PCDH15: variants seen among roughly 807,000 people sequenced by gnomAD.
PCDH15 encodes the protein protocadherin related 15.
PCDH15 carries 129 observed loss-of-function variants against 178.5 expected under a neutral mutation model. The observed-to-expected ratio is 0.72, with a 90% CI of 0.63 to 0.84. PCDH15 has a LOEUF of 0.84. Among genes scored for constraint, PCDH15 ranks in the 40% least tolerant of loss-of-function variants. The probability of loss-of-function intolerance (pLI) is 0.00; values close to 1 mark genes in which losing one functional copy is unlikely to be tolerated. For missense variants in PCDH15, 2,230 were observed against 2,099.9 expected (o/e 1.06, Z -1.21); for synonymous variants, 800 against 732.0 (o/e 1.09, Z -1.50).
At chr10:54,696,708 A>G (rs1320480486) in intron 1 of PCDH15, among the ~76,000 whole-genome samples, 1 of 151,726 alleles carries the variant, frequency 6.6e-6, no homozygotes, top group Non-Finnish European at 1.5e-5. Flanking sequence ...CTATTTTTGT[A>G]TTTTAATTTC....
chr10:55,083,280 C>G (rs996485733), intron 2 of PCDH15, among the ~76,000 whole-genome samples: 1 of 151,762 alleles, frequency 6.6e-6, no homozygotes, highest in Non-Finnish European at 1.5e-5. Context: ...TACCTCATAT[C>G]AACAGAATAA....
intron 2 of PCDH15, among the ~76,000 whole-genome samples, chr10:54,609,260 A>G (rs1322687010): frequency 1.3e-5 from 2 of 152,076 alleles, no homozygotes; most frequent in Non-Finnish European, 2.9e-5. Flanking sequence ...TACATTTCAA[A>G]TGTTATGTAT....
chr10:54,273,347 T>C (rs573156746), intron 8 of PCDH15, among the ~76,000 whole-genome samples: 1 of 145,168 alleles, frequency 6.9e-6, no homozygotes, highest in African/African-American at 2.5e-5. Flanking sequence ...TAAAAATATA[T>C]CAAAGAGAAA....
chr10:53,966,933 T>C (rs894348030), intron 21 of PCDH15, among the ~76,000 whole-genome samples: 8 of 152,042 alleles, frequency 5.3e-5, no homozygotes, highest in Non-Finnish European at 1.2e-4. Context: ...AGACAGGATC[T>C]TGTGTTGTCA....
chr10:54,172,315 C>T (rs1408894118), intron 13 of PCDH15, among the ~76,000 whole-genome samples: 1 of 152,064 alleles, frequency 6.6e-6, no homozygotes, highest in African/African-American at 2.4e-5. Flanking sequence ...CCCCCGACTC[C>T]TGCCCGCCAG....
intron 1 of PCDH15, among the ~76,000 whole-genome samples, chr10:55,232,778 A>G (rs1281391332): frequency 6.6e-6 from 1 of 151,968 alleles, no homozygotes; most frequent in East Asian, 1.9e-4. Flanking sequence ...GAACTGAACC[A>G]CTCTGCCCAA....
intron 26 of PCDH15, among the ~76,000 whole-genome samples, chr10:53,888,419 A>G (rs1401629792): frequency 7.0e-6 from 1 of 142,020 alleles, no homozygotes; most frequent in Non-Finnish European, 1.5e-5. Flanking sequence ...AATTTGTCTT[A>G]CAAATTACAT....
intron 2 of PCDH15, among the ~76,000 whole-genome samples, chr10:55,342,407 C>A (rs904085668): frequency 6.6e-6 from 1 of 151,770 alleles, no homozygotes; most frequent in Non-Finnish European, 1.5e-5. Flanking sequence ...TATATTAGGT[C>A]ATAGAATTGT....
intron 3 of PCDH15, among the ~76,000 whole-genome samples, chr10:54,440,649 T>C (rs1028650262): frequency 6.6e-6 from 1 of 151,930 alleles, no homozygotes; most frequent in Non-Finnish European, 1.5e-5. Context: ...ATATAGGTTG[T>C]CCATTAAAAA....
At chr10:54,362,416 T>C (rs529438332) in intron 5 of PCDH15, among the ~76,000 whole-genome samples, 42 of 152,210 alleles carry the variant, frequency 2.8e-4, no homozygotes, top group African/African-American at 8.7e-4. Flanking sequence ...ATTTTCTATA[T>C]ACTTGTTATG....
intron 6 of PCDH15, among the ~76,000 whole-genome samples, chr10:54,340,719 G>T (rs1264620859): frequency 6.6e-6 from 1 of 152,108 alleles, no homozygotes; most frequent in Non-Finnish European, 1.5e-5. Context: ...CCCTTCACTT[G>T]GGGGTTTTCT....
In PCDH15 at chr10:53,822,448, G is replaced by T. The variant is rs397517464; in HGVS notation, c.4368-2218C>A. 13 of 1,597,076 alleles carry T rather than the reference G, an allele frequency of 8.1e-6. No individual in the cohort carries two copies. Among genetic ancestry groups the T allele is most frequent in the Middle Eastern group, 1.7e-4 (1 of 6,012 alleles). On this transcript the variant is annotated intron_variant, in intron 32 of 37. Coordinates refer to ENST00000644397, the MANE Select transcript of PCDH15 (RefSeq NM_001384140.1). ...GGAGGAGCAAGAGGAGCAGGAGCAGGAGGAGGAGAAGGAGGAGAAATAGGA... is the reference window on the plus strand; with the variant it reads ...GGAGGAGCAAGAGGAGCAGGAGCAGTAGGAGGAGAAGGAGGAGAAATAGGA...
At chr10:55,487,585 A>G (rs1450938745) in intron 2 of PCDH15, among the ~76,000 whole-genome samples, 2 of 151,602 alleles carry the variant, frequency 1.3e-5, no homozygotes, top group Non-Finnish European at 3.0e-5. Context: ...TCACTGCTGA[A>G]TATACTCTGA....
intron 2 of PCDH15, among the ~76,000 whole-genome samples, chr10:55,593,819 T>C (rs903245000): frequency 6.6e-6 from 1 of 151,800 alleles, no homozygotes; most frequent in Non-Finnish European, 1.5e-5. Context: ...AGGGATCTAA[T>C]TACCATTAGA....
chr10:55,227,927 G>GC (rs925274173), intron 1 of PCDH15, among the ~76,000 whole-genome samples: 10 of 152,004 alleles, frequency 6.6e-5, no homozygotes, highest in South Asian at 2.1e-4. Flanking sequence ...AGATTTGACA[G>GC]CCCCCCCATC....
intron 14 of PCDH15, 46 bp from the exon 15 acceptor site, chr10:54,133,053 C>T: frequency 6.2e-7 from 1 of 1,612,700 alleles, no homozygotes; most frequent in Non-Finnish European, 8.5e-7. Flanking sequence ...ATCTGCATCA[C>T]ATTTAATGTT....
chr10:54,798,200 C>A (rs1382263235), intron 1 of PCDH15, among the ~76,000 whole-genome samples: 1 of 150,530 alleles, frequency 6.6e-6, no homozygotes, highest in African/African-American at 2.4e-5. Flanking sequence ...TTTTTTTCCT[C>A]ACTCAAAATT....
intron 13 of PCDH15, among the ~76,000 whole-genome samples, chr10:54,160,627 G>A (rs1564564953): frequency 6.6e-6 from 1 of 152,036 alleles, no homozygotes; most frequent in Non-Finnish European, 1.5e-5. Flanking sequence ...TACAGATTAT[G>A]TATTTGCAAA....
intron 27 of PCDH15, among the ~76,000 whole-genome samples, chr10:53,858,052 T>C (rs1290526015): frequency 6.6e-6 from 1 of 152,138 alleles, no homozygotes; most frequent in Admixed American, 6.6e-5. Flanking sequence ...AATAACTTAA[T>C]CCTAATTAAA....
Sources: gnomAD v4.1 joint callset for allele counts (sites outside exome capture counted in the v4.1 genomes callset) on GRCh38, gnomAD v4.1.1 for gene constraint, MANE v1.5 for transcripts, NCBI Gene and HGNC (gene_info 2026-07-23, HGNC 2026-07-21) for gene names.